Variants in DENND1A observed in about 807,000 individuals in gnomAD.
DENND1A encodes the protein DENN domain-containing protein 1A.
In DENND1A, 51 loss-of-function variants were observed where a neutral mutation model predicts 113.7. That is an observed-to-expected ratio of 0.45 (90% CI 0.36 to 0.57). The LOEUF (loss-of-function observed/expected upper bound fraction) is 0.57. Among genes scored for constraint, DENND1A ranks in the 20% least tolerant of loss-of-function variants. The probability of loss-of-function intolerance (pLI) is 0.00; values close to 1 mark genes in which losing one functional copy is unlikely to be tolerated. For missense variants in DENND1A, 1,258 were observed against 1,395.9 expected, an observed-to-expected ratio of 0.90 and a Z score of 1.57; for synonymous variants, 565 against 570.8, an observed-to-expected ratio of 0.99 and a Z score of 0.14.
intron 11 of DENND1A, among the ~76,000 whole-genome samples, chr9:123,597,499 C>G (rs948867968): frequency 2.6e-5 from 4 of 152,114 alleles, no homozygotes; most frequent in African/African-American, 9.7e-5. Context: ...AGGAAAAATA[C>G]TTGGAAAATC....
At chr9:123,559,706 T>C (rs966849538) in intron 12 of DENND1A, among the ~76,000 whole-genome samples, 1 of 152,236 alleles carries the variant, frequency 6.6e-6, no homozygotes, top group Non-Finnish European at 1.5e-5. Context: ...AATTCATTCA[T>C]TTAAAGTACA....
At chr9:123,822,357 A>G (rs1372152388) in intron 2 of DENND1A, among the ~76,000 whole-genome samples, 1 of 152,222 alleles carries the variant, frequency 6.6e-6, no homozygotes, top group African/African-American at 2.4e-5. Flanking sequence ...TATCTTTTCA[A>G]CATAGTGGAA....
At chr9:123,728,479 CA>C (rs60761810) in intron 5 of DENND1A, among the ~76,000 whole-genome samples, 537 of 25,114 alleles carry the variant, frequency 0.021, 2 homozygotes, top group African/African-American at 0.057. Flanking sequence ...CTCTGTCTCC[CA>C]AAAAAAAAAA....
chr9:123,510,803 A>C (rs1184308907), intron 13 of DENND1A, among the ~76,000 whole-genome samples: 1 of 152,212 alleles, frequency 6.6e-6, no homozygotes, highest in Non-Finnish European at 1.5e-5. Flanking sequence ...CTTTACACTA[A>C]AATAAGAAAA....
chr9:123,745,882 A>G (rs2069457006), intron 5 of DENND1A, among the ~76,000 whole-genome samples: 2 of 152,264 alleles, frequency 1.3e-5, no homozygotes, highest in African/African-American at 2.4e-5. Context: ...AAGACAGACT[A>G]TAACCATAAG....
At chr9:123,745,853 A>G (rs987569944) in intron 5 of DENND1A, among the ~76,000 whole-genome samples, 2 of 152,268 alleles carry the variant, frequency 1.3e-5, no homozygotes, top group African/African-American at 4.8e-5. Flanking sequence ...CATACAACAC[A>G]GAACACTAGA....
rs545113813 is a variant in DENND1A at position 123,691,485 on chromosome 9, G to T, written c.303-14696C>A. 4.8e-4 allele frequency among the ~76,000 whole-genome samples: 73 copies of T among 152,036 alleles called. 1 individual carries two copies. The highest frequency in any genetic ancestry group is 1.7e-3 in the African/African-American group (72 of 41,488). The stretch of plus-strand genomic sequence containing the variant: ...GGCAAAGAAACAAAGAATTACAAAT[G>T]GCTCGGGGTTACTGGATCCCAGAGT... On this transcript the variant is annotated intron_variant, in intron 5 of 23. Transcript: ENST00000394215.
chr9:123,615,636 T>C (rs2060616612), intron 10 of DENND1A, among the ~76,000 whole-genome samples: 1 of 152,214 alleles, frequency 6.6e-6, no homozygotes, highest in Non-Finnish European at 1.5e-5. Flanking sequence ...ACTGAAGCCA[T>C]GCTGCCTGCC....
At chr9:123,385,658 T>C (rs1356992565) in intron 22 of DENND1A, among the ~76,000 whole-genome samples, 2 of 152,146 alleles carry the variant, frequency 1.3e-5, no homozygotes, top group African/African-American at 2.4e-5. Context: ...GACTCCATCA[T>C]GTACTCTCTC....
At chr9:123,599,445 G>C (rs2059848518) in intron 11 of DENND1A, among the ~76,000 whole-genome samples, 1 of 152,196 alleles carries the variant, frequency 6.6e-6, no homozygotes, top group Admixed American at 6.5e-5. Context: ...CTATCTTCTA[G>C]AGATGCCTAT....
chr9:123,856,187 C>T (rs371808973), intron 2 of DENND1A, among the ~76,000 whole-genome samples: 1 of 152,144 alleles, frequency 6.6e-6, no homozygotes, highest in East Asian at 1.9e-4. Flanking sequence ...TCCTAATTGA[C>T]AATTTAATCC....
intron 2 of DENND1A, among the ~76,000 whole-genome samples, chr9:123,825,775 G>A (rs1400465448): frequency 2.6e-5 from 4 of 152,172 alleles, no homozygotes; most frequent in Non-Finnish European, 5.9e-5. Flanking sequence ...TTTTGTATCC[G>A]ATTTTTCACC....
intron 13 of DENND1A, among the ~76,000 whole-genome samples, chr9:123,458,833 T>C (rs2048332260): frequency 6.6e-6 from 1 of 152,098 alleles, no homozygotes; most frequent in Admixed American, 6.5e-5. Flanking sequence ...TGGTGGTGCA[T>C]GTCTGTAATC....
chr9:123,602,964 T>C (rs2059997884), intron 11 of DENND1A, among the ~76,000 whole-genome samples: 1 of 152,276 alleles, frequency 6.6e-6, no homozygotes, highest in Non-Finnish European at 1.5e-5. Flanking sequence ...ACATCTCTGT[T>C]CTTGTGAGGA....
intron 1 of DENND1A, among the ~76,000 whole-genome samples, chr9:123,880,764 C>T (rs1010964210): frequency 2.6e-5 from 4 of 152,126 alleles, no homozygotes; most frequent in African/African-American, 9.7e-5. Flanking sequence ...AGAACTCATG[C>T]CTCCTGTTTA....
At chr9:123,492,865 G>A (rs186427543) in intron 13 of DENND1A, 131 of 152,318 alleles carry the variant, frequency 8.6e-4, no homozygotes, top group African/African-American at 2.8e-3. Context: ...CGCTAGCCTG[G>A]TAATAGGAGG....
chr9:123,882,575 A>G (rs1848474481), intron 1 of DENND1A, among the ~76,000 whole-genome samples: 1 of 152,132 alleles, frequency 6.6e-6, no homozygotes, highest in Admixed American at 6.5e-5. Context: ...TCCTTGATAG[A>G]TCACTATCAT....
rs140908306 is a variant in DENND1A, at chr9:123,556,035, C to A, written c.993+1535G>T. On this transcript the variant is annotated intron_variant, in intron 13 of 23. Coordinates refer to ENST00000394215, the MANE Select transcript of DENND1A (RefSeq NM_001352964.2). Reference sequence around the variant, plus strand: ...TGTGCCAGCTGTCACTGCTTTGAACCTGATTGGTTTGGCTGGACCCAAGAT... The same window carrying A: ...TGTGCCAGCTGTCACTGCTTTGAACATGATTGGTTTGGCTGGACCCAAGAT... Among the ~76,000 whole-genome samples, 31 of 152,300 alleles carry A rather than the reference C, an allele frequency of 2.0e-4. 1 individual carries two copies. The highest frequency in any genetic ancestry group is 3.3e-4 in the Admixed American group (5 of 15,304).
chr9:123,413,558 TGGAACCTGTCGG>T lies in DENND1A; in HGVS notation c.1489-1741_1489-1730del, dbSNP rs903239100. ...GTCCCTGGGTCCCTGGTGCTCTGCA[TGGAACCTGTCGG>T]GGCAGCCTGAGGGGAAAGCGGGTCC... On this transcript the variant is annotated intron_variant, in intron 19 of 23. Coordinates refer to ENST00000394215, the MANE Select transcript of DENND1A (RefSeq NM_001352964.2). 4.1e-6 allele frequency: 4 copies of T among 985,402 alleles called. No homozygotes were observed. The African/African-American group carries it at 7.0e-5, about 17-fold the overall frequency. 61.0% of individuals were successfully genotyped at this position (985,402 alleles called of 1,614,324 possible).
Sources: gnomAD v4.1 joint callset for allele counts (sites outside exome capture counted in the v4.1 genomes callset) on GRCh38, gnomAD v4.1.1 for gene constraint, MANE v1.5 for transcripts, NCBI Gene and HGNC (gene_info 2026-07-23, HGNC 2026-07-21) for gene names.